Variants in NOTCH2NLC observed in about 807,000 individuals in gnomAD.
The protein encoded by NOTCH2NLC is notch 2 N-terminal like C.
In NOTCH2NLC, 4 loss-of-function variants were observed where a neutral mutation model predicts 17.7. That is an observed-to-expected ratio of 0.23 (90% CI 0.11 to 0.52). NOTCH2NLC has a LOEUF of 0.52. NOTCH2NLC is among the 20% of genes least tolerant of loss of function. NOTCH2NLC has a pLI of 0.96. For synonymous variants in NOTCH2NLC, 18 were observed against 86.0 expected (o/e 0.21, Z 4.38); for missense variants, 57 against 207.2 (o/e 0.28, Z 4.45).
intron 1 of NOTCH2NLC, among the ~76,000 whole-genome samples, chr1:149,423,445 G>A (rs1178568743): frequency 4.0e-5 from 6 of 150,612 alleles, no homozygotes; most frequent in East Asian, 2.0e-4. Context: ...ATTGCAGGGC[G>A]CTATGAGAAT....
At chr1:149,460,333 C>CTTTT (rs1226789458) in intron 3 of NOTCH2NLC, among the ~76,000 whole-genome samples, 23 of 92,920 alleles carry the variant, frequency 2.5e-4, no homozygotes, top group Non-Finnish European at 2.7e-4. Context: ...TTCTGATCAC[C>CTTTT]TTTTTTTTTT....
intron 2 of NOTCH2NLC, among the ~76,000 whole-genome samples, chr1:149,433,354 G>A (rs2101491198): frequency 6.9e-6 from 1 of 144,956 alleles, no homozygotes; most frequent in South Asian, 2.2e-4. Flanking sequence ...CTGGATGACG[G>A]GTTGATAGGT....
chr1:149,390,830 G>GGCGGCGGCGGCGGCGGCGGCGGC lies in NOTCH2NLC; in HGVS notation c.44_45insCGGCGGCGGCGGCGGCGGCGGCG (p.Asp19GlyfsTer44), dbSNP rs1216279830. On this transcript the variant is annotated frameshift_variant, in exon 1 of 5. Transcript: ENST00000650865. LOFTEE classifies it high-confidence loss of function. Reference sequence around the variant, plus strand: ...CGGCGGCGGCGGCGGCGGCGGCGGCGGAGGAGGCGGCGACCGAGAAGATGC... The same window carrying GGCGGCGGCGGCGGCGGCGGCGGC: ...CGGCGGCGGCGGCGGCGGCGGCGGCGGCGGCGGCGGCGGCGGCGGCGGCGAGGAGGCGGCGACCGAGAAGATGC... The GGCGGCGGCGGCGGCGGCGGCGGC allele has an allele frequency of 7.5e-7, 1 of 1,329,176 alleles. No homozygotes were observed. The highest frequency in any genetic ancestry group is 9.6e-7 in the Non-Finnish European group (1 of 1,043,970). 82.3% of individuals were successfully genotyped at this position (1,329,176 alleles called of 1,614,324 possible).
intron 2 of NOTCH2NLC, among the ~76,000 whole-genome samples, chr1:149,452,591 GT>G (rs1286163881): frequency 5.4e-4 from 19 of 35,118 alleles, no homozygotes; most frequent in African/African-American, 2.1e-3. Context: ...TCAATCTCTG[GT>G]TTTACTGATT....
At chr1:149,430,550 T>C in intron 1 of NOTCH2NLC, among the ~76,000 whole-genome samples, 1 of 145,142 alleles carries the variant, frequency 6.9e-6, no homozygotes, top group Admixed American at 7.0e-5. Context: ...TGGTGATCTA[T>C]TATTTATCTA....
At position 149,420,169 on chromosome 1, in the gene NOTCH2NLC, C is replaced by T. The variant is rs1174202923; in HGVS notation, c.136-10773C>T. ...AAAGACATGAGCCACCGTGCCTGGC[C>T]GTTTAGGGCTATATTTTATGTTTTC... On this transcript the variant is annotated intron_variant, in intron 1 of 4. Transcript: ENST00000650865. Among the ~76,000 whole-genome samples the T allele has an allele frequency of 5.3e-5, 8 of 150,072 alleles. 1 individual carries two copies. The South Asian group carries it at 6.3e-4, about 12-fold the overall frequency.
intron 1 of NOTCH2NLC, among the ~76,000 whole-genome samples, chr1:149,423,494 T>G (rs1416671470): frequency 0.055 from 8,117 of 148,806 alleles, 317 homozygotes; most frequent in Non-Finnish European, 0.075. Context: ...TGCCCTCAAT[T>G]CTCCTATTTT....
intron 3 of NOTCH2NLC, among the ~76,000 whole-genome samples, chr1:149,461,016 C>T (rs1385321164): frequency 6.8e-6 from 1 of 147,878 alleles, no homozygotes; most frequent in African/African-American, 2.5e-5. Flanking sequence ...CTCACTGCAA[C>T]CTCCACCTCT....
chr1:149,400,033 C>T (rs1224689709), intron 1 of NOTCH2NLC, among the ~76,000 whole-genome samples: 2 of 148,420 alleles, frequency 1.3e-5, no homozygotes, highest in African/African-American at 4.9e-5. Context: ...AATAAAATGT[C>T]CACAATCATG....
rs1213013864 is a variant in NOTCH2NLC at position 149,400,112 on chromosome 1, T to TTATA, written c.135+9207_135+9210dup. ...AGATTTAGAAAAGCTGTTGATTTAT[T>TTATA]TATATATATATATATATATAATATA... On this transcript the variant is annotated intron_variant, in intron 1 of 4. Transcript: ENST00000650865. 5.5e-4 allele frequency among the ~76,000 whole-genome samples: 76 copies of TTATA among 138,760 alleles called. 1 individual carries two copies. Among genetic ancestry groups the TTATA allele is most frequent in the Admixed American group, 1.4e-3 (19 of 13,708 alleles). 91.0% of individuals were successfully genotyped at this position (138,760 alleles called of 152,430 possible). A position where few individuals can be genotyped will look rare whatever the true frequency, so the allele number is the denominator to read the frequency against.
In NOTCH2NLC at chr1:149,467,480, A is replaced by AT. The variant is rs2084691816; in HGVS notation, c.*3328dup. 1 of 140,034 alleles carries AT rather than the reference A, an allele frequency of 7.1e-6. No homozygotes were observed. Among genetic ancestry groups the AT allele is most frequent in the Non-Finnish European group, 1.5e-5 (1 of 64,736 alleles). 8.7% of individuals were successfully genotyped at this position (140,034 alleles called of 1,614,324 possible). A position where few individuals can be genotyped will look rare whatever the true frequency, so the allele number is the denominator to read the frequency against. ...TTCTTCACAGAGGGAGGAGAAAAAT[A>AT]TCTTCAAGAGAGAACTAATAGAATC... On this transcript the variant is annotated 3_prime_UTR_variant, in exon 5 of 5. Coordinates refer to ENST00000650865, the MANE Select transcript of NOTCH2NLC (RefSeq NM_001364013.2).
intron 1 of NOTCH2NLC, among the ~76,000 whole-genome samples, chr1:149,415,785 C>T (rs2084331964): frequency 7.1e-6 from 1 of 141,218 alleles, no homozygotes; most frequent in Non-Finnish European, 1.6e-5. Context: ...AAAGAAGTTG[C>T]CCATCTCCTT....
rs1437192568 is a variant in NOTCH2NLC, at chr1:149,440,130, G to A, written c.209+9115G>A. 1.9e-3 allele frequency among the ~76,000 whole-genome samples: 279 copies of A among 150,600 alleles called. 10 individuals carry two copies. Among genetic ancestry groups the A allele is most frequent in the Non-Finnish European group, 3.0e-3 (204 of 67,392 alleles). ...GATTTATGTAGAATGGTAGCATTTAGCGTATTAAATCTGTATAGATTCAGG... is the reference window on the plus strand; with the variant it reads ...GATTTATGTAGAATGGTAGCATTTAACGTATTAAATCTGTATAGATTCAGG... On this transcript the variant is annotated intron_variant, in intron 2 of 4. Coordinates refer to ENST00000650865, the MANE Select transcript of NOTCH2NLC (RefSeq NM_001364013.2).
intron 1 of NOTCH2NLC, among the ~76,000 whole-genome samples, chr1:149,413,183 C>T (rs1389544851): frequency 6.6e-6 from 1 of 150,850 alleles, no homozygotes; most frequent in Non-Finnish European, 1.5e-5. Context: ...GCTGGGATTA[C>T]AGGTGTTAGC....
chr1:149,426,716 G>A (rs1346044733), intron 1 of NOTCH2NLC, among the ~76,000 whole-genome samples: 1 of 142,448 alleles, frequency 7.0e-6, no homozygotes, highest in African/African-American at 2.5e-5. Flanking sequence ...CTCTTTGTGA[G>A]TGACTAGTTT....
chr1:149,461,625 T>G (rs1192191481), intron 3 of NOTCH2NLC, among the ~76,000 whole-genome samples: 1 of 151,300 alleles, frequency 6.6e-6, no homozygotes, highest in Non-Finnish European at 1.5e-5. Flanking sequence ...CGCCATCCCA[T>G]TACTGGGTAT....
At chr1:149,402,460 C>T (rs1245950483) in intron 1 of NOTCH2NLC, among the ~76,000 whole-genome samples, 1 of 119,846 alleles carries the variant, frequency 8.3e-6, no homozygotes, top group Non-Finnish European at 1.8e-5. Flanking sequence ...CTGCTAGGGG[C>T]TTTGCAAATA....
In NOTCH2NLC at chr1:149,466,179, A is replaced by G. The variant is rs1436646268; in HGVS notation, c.*2026A>G. 1.6e-5 allele frequency: 2 copies of G among 128,360 alleles called. No homozygotes were observed. Among genetic ancestry groups the G allele is most frequent in the Non-Finnish European group, 3.3e-5 (2 of 59,810 alleles). 8.0% of individuals were successfully genotyped at this position (128,360 alleles called of 1,614,324 possible). A position where few individuals can be genotyped will look rare whatever the true frequency, so the allele number is the denominator to read the frequency against. On this transcript the variant is annotated 3_prime_UTR_variant, in exon 5 of 5. Coordinates refer to ENST00000650865, the MANE Select transcript of NOTCH2NLC (RefSeq NM_001364013.2). Reference sequence around the variant, plus strand: ...TTTAAGCTGTTTGGGTTAAAAATATATGTTCATGTTATAAGAAAACCAAGA... The same window carrying G: ...TTTAAGCTGTTTGGGTTAAAAATATGTGTTCATGTTATAAGAAAACCAAGA...
At chr1:149,432,716 A>C (rs1191641456) in intron 2 of NOTCH2NLC, among the ~76,000 whole-genome samples, 1 of 149,548 alleles carries the variant, frequency 6.7e-6, no homozygotes, top group Non-Finnish European at 1.5e-5. Flanking sequence ...TTTTTTGCAT[A>C]GTTAATGCCT....
Sources: gnomAD v4.1 joint callset for allele counts (sites outside exome capture counted in the v4.1 genomes callset) on GRCh38, gnomAD v4.1.1 for gene constraint, MANE v1.5 for transcripts, NCBI Gene and HGNC (gene_info 2026-07-23, HGNC 2026-07-21) for gene names.